THSD4: variants seen among roughly 807,000 people sequenced by gnomAD.
THSD4 encodes thrombospondin type-1 domain-containing protein 4.
In THSD4, 69 loss-of-function variants were observed where a neutral mutation model predicts 119.0. The observed-to-expected ratio is 0.58, with a 90% confidence interval of 0.48 to 0.71. THSD4 has a LOEUF of 0.71. Ranked by LOEUF, THSD4 falls within the 30% of genes least tolerant of loss-of-function variation. The probability of loss-of-function intolerance (pLI) is 0.00; values close to 1 mark genes in which losing one functional copy is unlikely to be tolerated. For synonymous variants in THSD4, 524 were observed against 540.4 expected (o/e 0.97, Z 0.42); for missense variants, 1,393 against 1,391.1 (o/e 1.00, Z -0.02).
intron 6 of THSD4, among the ~76,000 whole-genome samples, chr15:71,306,020 G>A (rs754162315): frequency 3.4e-4 from 52 of 152,116 alleles, no homozygotes; most frequent in Non-Finnish European, 3.5e-4. Context: ...ATTAAGATGA[G>A]AGACGGGCCA....
At chr15:71,468,003 C>A (rs1260276384) in intron 7 of THSD4, among the ~76,000 whole-genome samples, 1 of 152,056 alleles carries the variant, frequency 6.6e-6, no homozygotes, top group Non-Finnish European at 1.5e-5. Context: ...CGCCTGTCAC[C>A]AAGCCTGGCT....
At chr15:71,704,052 G>C (rs1224211291) in intron 8 of THSD4, among the ~76,000 whole-genome samples, 1 of 152,120 alleles carries the variant, frequency 6.6e-6, no homozygotes, top group Admixed American at 6.5e-5. Context: ...GTTTCACCAT[G>C]TTAGCCAGAA....
intron 7 of THSD4, among the ~76,000 whole-genome samples, chr15:71,562,508 C>T (rs562083079): frequency 2.6e-5 from 4 of 152,142 alleles, no homozygotes; most frequent in Non-Finnish European, 2.9e-5. Flanking sequence ...GCATATATGC[C>T]GATAAGCCAG....
chr15:71,189,625 G>A (rs569475318), intron 3 of THSD4, among the ~76,000 whole-genome samples: 2 of 151,780 alleles, frequency 1.3e-5, no homozygotes, highest in Non-Finnish European at 1.5e-5. Flanking sequence ...AGCCGAGATC[G>A]CGCCACTGCA....
chr15:71,520,847 G>A lies in THSD4; in HGVS notation c.1152+109024G>A, dbSNP rs140068312. On this transcript the variant is annotated intron_variant, in intron 7 of 17. Transcript: ENST00000261862. ...TTACAACCTGACACCAGAGGTTATA[G>A]CCTCACTCTGCTGCAAGTGAAGAAG... Among the ~76,000 whole-genome samples, 423 of 152,288 alleles carry A rather than the reference G, an allele frequency of 2.8e-3. 2 individuals carry two copies. The highest frequency in any genetic ancestry group is 9.0e-3 in the African/African-American group (372 of 41,548).
At chr15:71,418,081 A>G (rs1193077998) in intron 7 of THSD4, among the ~76,000 whole-genome samples, 1 of 108,964 alleles carries the variant, frequency 9.2e-6, no homozygotes, top group Non-Finnish European at 2.0e-5. Flanking sequence ...GTTCCCATAT[A>G]GAAATGTTAC....
At chr15:71,374,520 G>T (rs867107375) in intron 6 of THSD4, among the ~76,000 whole-genome samples, 22 of 152,200 alleles carry the variant, frequency 1.4e-4, no homozygotes, top group African/African-American at 5.3e-4. Context: ...AAATCAGAAA[G>T]TGGTGGTTCT....
intron 6 of THSD4, among the ~76,000 whole-genome samples, chr15:71,291,767 T>C (rs746147374): frequency 2.6e-5 from 4 of 152,184 alleles, no homozygotes; most frequent in Non-Finnish European, 4.4e-5. Flanking sequence ...CACTGCAATA[T>C]CTTTCTGACA....
At chr15:71,661,418 C>T (rs1316058227) in intron 8 of THSD4, among the ~76,000 whole-genome samples, 1 of 149,012 alleles carries the variant, frequency 6.7e-6, no homozygotes, top group African/African-American at 2.5e-5. Flanking sequence ...TTTTTTGAGA[C>T]AGAATCTTGC....
intron 7 of THSD4, among the ~76,000 whole-genome samples, chr15:71,423,282 G>T (rs1458413718): frequency 6.6e-6 from 1 of 152,184 alleles, no homozygotes; most frequent in East Asian, 1.9e-4. Flanking sequence ...AGCCACCACA[G>T]CTGGGAGTGC....
chr15:71,657,039 C>G (rs535842314), intron 7 of THSD4, among the ~76,000 whole-genome samples: 1 of 152,164 alleles, frequency 6.6e-6, no homozygotes, highest in East Asian at 1.9e-4. Context: ...ATCCTCCAGA[C>G]TTTATGTACC....
intron 6 of THSD4, among the ~76,000 whole-genome samples, chr15:71,393,816 C>T (rs560888736): frequency 1.6e-4 from 24 of 152,270 alleles, no homozygotes; most frequent in Non-Finnish European, 2.6e-4. Flanking sequence ...CAGGGCCTTC[C>T]GGAGCCTCCT....
At chr15:71,317,291 T>C (rs1254217116) in intron 6 of THSD4, among the ~76,000 whole-genome samples, 1 of 152,218 alleles carries the variant, frequency 6.6e-6, no homozygotes, top group African/African-American at 2.4e-5. Context: ...GGTGTATTAG[T>C]CCATTCTCAC....
intron 3 of THSD4, among the ~76,000 whole-genome samples, chr15:71,203,696 A>C (rs771436537): frequency 1.3e-5 from 2 of 152,150 alleles, no homozygotes; most frequent in Non-Finnish European, 2.9e-5. Context: ...GGGAAGCCTG[A>C]GTGGGTGAGG....
At chr15:71,253,466 G>A (rs755185074) in intron 5 of THSD4, among the ~76,000 whole-genome samples, 2 of 151,904 alleles carry the variant, frequency 1.3e-5, no homozygotes, top group Non-Finnish European at 2.9e-5. Context: ...AGAGTGCAGA[G>A]GCGTGATCTC....
At chr15:71,535,137 G>C (rs544649135) in intron 7 of THSD4, among the ~76,000 whole-genome samples, 1 of 151,876 alleles carries the variant, frequency 6.6e-6, no homozygotes, top group African/African-American at 2.4e-5. Context: ...CCCTATTTCC[G>C]CTCACCCTCC....
intron 6 of THSD4, among the ~76,000 whole-genome samples, chr15:71,269,392 T>C (rs1310969643): frequency 6.6e-6 from 1 of 152,102 alleles, no homozygotes; most frequent in Non-Finnish European, 1.5e-5. Flanking sequence ...CTTGATAAAA[T>C]TCAACACCCC....
chr15:71,373,837 A>G (rs1192058300), intron 6 of THSD4, among the ~76,000 whole-genome samples: 1 of 152,202 alleles, frequency 6.6e-6, no homozygotes, highest in Non-Finnish European at 1.5e-5. Flanking sequence ...GTTGAGAGTG[A>G]GTGAGTGTTT....
At chr15:71,649,818 A>G (rs2051047719) in intron 7 of THSD4, among the ~76,000 whole-genome samples, 1 of 152,198 alleles carries the variant, frequency 6.6e-6, no homozygotes, top group South Asian at 2.1e-4. Context: ...ATCTTTGCAT[A>G]TGGCTAGCCA....
Sources: allele counts gnomAD v4.1 joint callset (sites outside exome capture counted in the v4.1 genomes callset), GRCh38; gene constraint gnomAD v4.1.1; transcripts MANE v1.5; gene names NCBI Gene and HGNC (gene_info 2026-07-23, HGNC 2026-07-21).